Variants in KHDRBS3 observed in about 807,000 individuals in gnomAD.
The protein encoded by KHDRBS3 is KH domain-containing, RNA-binding, signal transduction-associated protein 3.
Under a neutral mutation model 45.6 loss-of-function variants are expected in KHDRBS3, and 23 were observed. The ratio of observed to expected loss-of-function variants is 0.50; its 90% CI spans 0.36 to 0.72. The LOEUF (loss-of-function observed/expected upper bound fraction) is 0.72, where lower values mean the gene tolerates loss of function less well. Among genes scored for constraint, KHDRBS3 ranks in the 30% least tolerant of loss-of-function variants. KHDRBS3 has a pLI of 0.00. For synonymous variants in KHDRBS3, 162 were observed against 156.5 expected, an observed-to-expected ratio of 1.04 and a Z score of -0.26; for missense variants, 352 against 424.8, an observed-to-expected ratio of 0.83 and a Z score of 1.51.
At chr8:135,564,618 A>T (rs1827315827) in intron 5 of KHDRBS3, among the ~76,000 whole-genome samples, 2 of 152,142 alleles carry the variant, frequency 1.3e-5, no homozygotes, top group Non-Finnish European at 2.9e-5. Context: ...CTACAGGCTG[A>T]GTCTCTGCTC....
intron 1 of KHDRBS3, among the ~76,000 whole-genome samples, chr8:135,481,967 G>C (rs1007032495): frequency 2.0e-5 from 3 of 152,182 alleles, no homozygotes; most frequent in Non-Finnish European, 2.9e-5. Flanking sequence ...TGAAGGTTTG[G>C]TTTTCCATTT....
At chr8:135,548,248 C>A (rs1267665183) in intron 3 of KHDRBS3, among the ~76,000 whole-genome samples, 1 of 152,110 alleles carries the variant, frequency 6.6e-6, no homozygotes. Context: ...GTGTCTGCTC[C>A]ATGGTAATCA....
intron 5 of KHDRBS3, among the ~76,000 whole-genome samples, chr8:135,572,225 ACAG>A (rs1387804154): frequency 6.6e-6 from 1 of 152,210 alleles, no homozygotes; most frequent in Non-Finnish European, 1.5e-5. Flanking sequence ...GAATTGGAAG[ACAG>A]TGGGTGATAC....
intron 2 of KHDRBS3, among the ~76,000 whole-genome samples, chr8:135,527,465 G>A (rs1825249638): frequency 6.6e-6 from 1 of 152,228 alleles, no homozygotes; most frequent in South Asian, 2.1e-4. Flanking sequence ...TGACTAGACA[G>A]ATTTTTATAG....
intron 7 of KHDRBS3, among the ~76,000 whole-genome samples, chr8:135,613,580 G>A (rs1829792332): frequency 6.6e-6 from 1 of 151,642 alleles, no homozygotes. Context: ...CCATCCTTCT[G>A]CAGCTCTAAA....
chr8:135,552,262 T>A (rs879029578), intron 4 of KHDRBS3, among the ~76,000 whole-genome samples: 1 of 152,154 alleles, frequency 6.6e-6, no homozygotes, highest in Non-Finnish European at 1.5e-5. Context: ...TGTATGTTGA[T>A]ACACATGCTG....
chr8:135,607,033 C>T lies in KHDRBS3; in HGVS notation c.886C>T (p.Gln296Ter), dbSNP rs777562123. The T allele has an allele frequency of 6.2e-7, 1 of 1,611,736 alleles. No homozygotes were observed. The highest frequency in any genetic ancestry group is 2.2e-5 in the East Asian group (1 of 44,836). Residue 296 changes from glutamine to a stop codon, truncating the protein, a stop_gained, in exon 7 of 9, where the codon CAA (glutamine) becomes TAA (stop). Coordinates refer to ENST00000355849, the MANE Select transcript of KHDRBS3 (RefSeq NM_006558.3). LOFTEE classifies it high-confidence loss of function. ...SYDNSYSTPA[Q>*]SGADYYDYGH... Reference sequence around the variant, plus strand: ...TGATAACAGCTATAGCACCCCAGCCCAAAGGTAAGAGTCAGTCTTTATTAC... The same window carrying T: ...TGATAACAGCTATAGCACCCCAGCCTAAAGGTAAGAGTCAGTCTTTATTAC...
chr8:135,615,445 G>A (rs751477192), intron 7 of KHDRBS3, among the ~76,000 whole-genome samples: 5 of 152,066 alleles, frequency 3.3e-5, no homozygotes, highest in Non-Finnish European at 7.3e-5. Context: ...TTATTATTGA[G>A]AAAACTGAGA....
intron 4 of KHDRBS3, among the ~76,000 whole-genome samples, chr8:135,551,258 T>C (rs1478100955): frequency 6.6e-6 from 1 of 152,156 alleles, no homozygotes; most frequent in Admixed American, 6.5e-5. Context: ...AATGTTGTTA[T>C]TCTATTCTAT....
intron 7 of KHDRBS3, among the ~76,000 whole-genome samples, chr8:135,628,032 A>T (rs969357111): frequency 1.3e-5 from 2 of 152,150 alleles, no homozygotes; most frequent in African/African-American, 4.8e-5. Context: ...CTTTCTTATT[A>T]CTAAGCCAGA....
At chr8:135,632,757 G>A (rs996865892) in intron 7 of KHDRBS3, among the ~76,000 whole-genome samples, 3 of 152,028 alleles carry the variant, frequency 2.0e-5, no homozygotes, top group African/African-American at 7.2e-5. Flanking sequence ...TGGCCTGCAT[G>A]ACCCTGCATG....
At chr8:135,528,790 C>T (rs927979959) in intron 2 of KHDRBS3, among the ~76,000 whole-genome samples, 1 of 152,098 alleles carries the variant, frequency 6.6e-6, no homozygotes, top group African/African-American at 2.4e-5. Context: ...TAGTAGTATG[C>T]GGAAGAGCAA....
intron 2 of KHDRBS3, among the ~76,000 whole-genome samples, chr8:135,534,670 A>G (rs1448107557): frequency 6.6e-6 from 1 of 152,148 alleles, no homozygotes; most frequent in Non-Finnish European, 1.5e-5. Context: ...GGTGTAGTGT[A>G]TATATTGTGC....
chr8:135,478,104 A>G (rs1822385223), intron 1 of KHDRBS3, among the ~76,000 whole-genome samples: 1 of 152,184 alleles, frequency 6.6e-6, no homozygotes, highest in African/African-American at 2.4e-5. Context: ...ACTCCTGTCT[A>G]TGGAAAAATT....
At chr8:135,626,977 C>T (rs181156651) in intron 7 of KHDRBS3, among the ~76,000 whole-genome samples, 2 of 152,232 alleles carry the variant, frequency 1.3e-5, no homozygotes, top group African/African-American at 4.8e-5. Flanking sequence ...GAAGGAGTAG[C>T]AGGACATTGC....
In KHDRBS3 at chr8:135,576,425, GTGTGGACTCA is replaced by G. The variant is rs1827949123; in HGVS notation, c.612-5450_612-5441del. On this transcript the variant is annotated intron_variant, in intron 5 of 8. Transcript: ENST00000355849. Reference sequence around the variant, plus strand: ...TTGATTGATTCAGTCATTTCTGTCAGTGTGGACTCATGGATATTAATTTTATACATTGTGT... The same window carrying G: ...TTGATTGATTCAGTCATTTCTGTCAGTGGATATTAATTTTATACATTGTGT... Among the ~76,000 whole-genome samples the G allele has an allele frequency of 2.0e-5, 3 of 152,160 alleles. No homozygotes were observed. In the South Asian group the frequency reaches 6.2e-4, roughly 31 times the overall value.
chr8:135,634,275 TC>T (rs1830721139), intron 7 of KHDRBS3, among the ~76,000 whole-genome samples: 1 of 152,188 alleles, frequency 6.6e-6, no homozygotes, highest in African/African-American at 2.4e-5. Context: ...GCCCTTGTTT[TC>T]CCTCCCCTGT....
At chr8:135,587,443 C>G (rs1828531514) in intron 6 of KHDRBS3, among the ~76,000 whole-genome samples, 1 of 152,106 alleles carries the variant, frequency 6.6e-6, no homozygotes, top group Admixed American at 6.5e-5. Flanking sequence ...ATGTGGTTAG[C>G]TTTTTTCCAA....
intron 1 of KHDRBS3, among the ~76,000 whole-genome samples, chr8:135,480,087 A>G (rs10097804): frequency 0.038 from 5,794 of 151,968 alleles, 361 homozygotes; most frequent in African/African-American, 0.13. Flanking sequence ...GTGGATAAAG[A>G]AAAAAGCTTT....
Sources: allele counts gnomAD v4.1 joint callset (sites outside exome capture counted in the v4.1 genomes callset), GRCh38; gene constraint gnomAD v4.1.1; transcripts MANE v1.5; gene names NCBI Gene and HGNC (gene_info 2026-07-23, HGNC 2026-07-21).